Variants in AGTPBP1 observed in about 807,000 individuals in gnomAD.
AGTPBP1 encodes ATP/GTP binding carboxypeptidase 1, also known as cytosolic carboxypeptidase 1.
In AGTPBP1, 70 loss-of-function variants were observed where a neutral mutation model predicts 143.9. The ratio of observed to expected loss-of-function variants is 0.49; its 90% CI spans 0.40 to 0.59. AGTPBP1 has a LOEUF of 0.59. AGTPBP1 is among the 20% of genes least tolerant of loss of function. The pLI is 0.00. For synonymous variants in AGTPBP1, 463 were observed against 500.2 expected, an observed-to-expected ratio of 0.93 and a Z score of 0.99; for missense variants, 1,229 against 1,464.5, an observed-to-expected ratio of 0.84 and a Z score of 2.62.
chr9:85,591,373 G>A (rs1364880732), intron 19 of AGTPBP1, among the ~76,000 whole-genome samples: 1 of 152,038 alleles, frequency 6.6e-6, no homozygotes, highest in African/African-American at 2.4e-5. Context: ...CTAATGAAGA[G>A]CAAAGGGGTC....
At chr9:85,713,637 C>T (rs973956522) in intron 1 of AGTPBP1, among the ~76,000 whole-genome samples, 13 of 152,164 alleles carry the variant, frequency 8.5e-5, no homozygotes, top group African/African-American at 3.1e-4. Flanking sequence ...AAAGGGCAAA[C>T]TTCAAATTGT....
chr9:85,650,390 T>C (rs902249901), intron 11 of AGTPBP1, among the ~76,000 whole-genome samples: 17 of 152,150 alleles, frequency 1.1e-4, no homozygotes, highest in African/African-American at 3.6e-4. Flanking sequence ...ACAACAAGGA[T>C]GTAAACCTTT....
intron 25 of AGTPBP1, among the ~76,000 whole-genome samples, chr9:85,572,017 T>G (rs1284661466): frequency 0.051 from 1,042 of 20,388 alleles, 26 homozygotes; most frequent in Middle Eastern, 0.12. Flanking sequence ...TTTTTTTTTT[T>G]TTTTTTTTTT....
chr9:85,612,597 G>A (rs762959784), intron 17 of AGTPBP1, among the ~76,000 whole-genome samples: 1 of 152,148 alleles, frequency 6.6e-6, no homozygotes, highest in Non-Finnish European at 1.5e-5. Context: ...AAGTGAGGAG[G>A]GTTATGGGAC....
chr9:85,730,585 T>G (rs1838811854), intron 1 of AGTPBP1, among the ~76,000 whole-genome samples: 1 of 152,138 alleles, frequency 6.6e-6, no homozygotes, highest in Non-Finnish European at 1.5e-5. Flanking sequence ...ATGAGATACC[T>G]CTTCATAAAC....
intron 2 of AGTPBP1, among the ~76,000 whole-genome samples, chr9:85,708,039 G>A (rs970417270): frequency 2.0e-5 from 3 of 152,090 alleles, no homozygotes; most frequent in African/African-American, 7.2e-5. Flanking sequence ...TTCTGTACAT[G>A]TAACCCAGAA....
At chr9:85,709,208 A>G (rs1215109629) in intron 2 of AGTPBP1, among the ~76,000 whole-genome samples, 1 of 152,230 alleles carries the variant, frequency 6.6e-6, no homozygotes, top group Non-Finnish European at 1.5e-5. Flanking sequence ...CTATTAATAA[A>G]CTAAAAGAGA....
At chr9:85,768,921 C>T in the AGTPBP1 span, among the ~76,000 whole-genome samples, 2 of 150,980 alleles carry the variant, frequency 1.3e-5, no homozygotes, top group African/African-American at 4.9e-5. Context: ...TGGTGGCATG[C>T]ACCTGTAATC....
chr9:85,791,364 A>G, the AGTPBP1 span: 1 of 148,364 alleles, frequency 6.7e-6, no homozygotes, highest in East Asian at 2.0e-4. Flanking sequence ...ACAGAGGGAG[A>G]CTCCGTCTCA....
At chr9:85,594,399 G>A (rs1482397372) in intron 18 of AGTPBP1, among the ~76,000 whole-genome samples, 3 of 151,922 alleles carry the variant, frequency 2.0e-5, no homozygotes, top group Non-Finnish European at 2.9e-5. Context: ...CAGAGGGATC[G>A]CAACATGGTG....
At chr9:85,595,925 G>T (rs1397117241) in intron 18 of AGTPBP1, among the ~76,000 whole-genome samples, 1 of 152,046 alleles carries the variant, frequency 6.6e-6, no homozygotes, top group East Asian at 1.9e-4. Context: ...CACATCTCCA[G>T]TTAACATTTT....
intron 25 of AGTPBP1, among the ~76,000 whole-genome samples, chr9:85,573,153 A>T (rs992772588): frequency 1.7e-4 from 26 of 150,622 alleles, no homozygotes; most frequent in Admixed American, 3.3e-4. Context: ...TCTGATGCCG[A>T]GCCGAAGCTG....
chr9:85,599,892 G>A (rs1412647283), intron 17 of AGTPBP1, among the ~76,000 whole-genome samples: 2 of 152,182 alleles, frequency 1.3e-5, no homozygotes, highest in Admixed American at 6.5e-5. Flanking sequence ...GTGATTAAGA[G>A]CATGCAATCT....
chr9:85,590,806 A>G (rs1200788363), intron 19 of AGTPBP1, among the ~76,000 whole-genome samples: 1 of 152,192 alleles, frequency 6.6e-6, no homozygotes, highest in African/African-American at 2.4e-5. Flanking sequence ...AGGATAGAAC[A>G]GGGCATTTCA....
In AGTPBP1 at chr9:85,575,275, ATAC is replaced by A. The variant is rs776270255; in HGVS notation, c.3503+37_3503+39del. ...TGCTATTTTAATGAAGTCTAATAAT[ATAC>A]TACAATATAATAAAAGAAAAAACAA... On this transcript the variant is annotated intron_variant, in intron 25 of 25. Transcript: ENST00000357081. 10 of 1,488,072 alleles carry A rather than the reference ATAC, an allele frequency of 6.7e-6. No homozygotes were observed. The South Asian group carries it at 1.1e-4, about 16-fold the overall frequency. The allele number at this position is 1,488,072 out of a possible 1,614,324, so 92.2% of individuals were successfully genotyped here.
In AGTPBP1 at chr9:85,595,465, A is replaced by G. The variant is rs548112410; in HGVS notation, c.2423+897T>C. ...AGAATCCTCGAGTACTTAGAGGTGGAGCTGAAGAATAATCAAACTATTCCA... is the reference window on the plus strand; with the variant it reads ...AGAATCCTCGAGTACTTAGAGGTGGGGCTGAAGAATAATCAAACTATTCCA... On this transcript the variant is annotated intron_variant, in intron 18 of 25. Transcript: ENST00000357081. Among the ~76,000 whole-genome samples the G allele has an allele frequency of 2.0e-5, 3 of 152,352 alleles. No individual in the cohort carries two copies. In the East Asian group the frequency reaches 5.8e-4, roughly 29 times the overall value.
chr9:85,579,341 A>G (rs183205413), intron 23 of AGTPBP1, among the ~76,000 whole-genome samples: 45 of 152,340 alleles, frequency 3.0e-4, no homozygotes, highest in Admixed American at 2.9e-3. Flanking sequence ...CGGTATAACC[A>G]ATAAGCAAAA....
At chr9:85,671,051 C>T (rs1286047966) in intron 7 of AGTPBP1, among the ~76,000 whole-genome samples, 2 of 152,030 alleles carry the variant, frequency 1.3e-5, no homozygotes, top group Non-Finnish European at 2.9e-5. Context: ...AAGAAATCCT[C>T]CCACCTTAGC....
intron 25 of AGTPBP1, among the ~76,000 whole-genome samples, chr9:85,549,306 A>T (rs1223712486): frequency 6.6e-6 from 1 of 152,194 alleles, no homozygotes; most frequent in African/African-American, 2.4e-5. Context: ...TTACAGATAG[A>T]CAAGAAGTGG....
Sources: gnomAD v4.1 joint callset for allele counts (sites outside exome capture counted in the v4.1 genomes callset) on GRCh38, gnomAD v4.1.1 for gene constraint, MANE v1.5 for transcripts, NCBI Gene and HGNC (gene_info 2026-07-23, HGNC 2026-07-21) for gene names.